The following DGKB variants were observed in gnomAD, a reference collection of about 807,000 sequenced individuals.
DGKB encodes 90 kDa diacylglycerol kinase.
Under a neutral mutation model 114.3 loss-of-function variants are expected in DGKB, and 67 were observed. The observed-to-expected ratio is 0.59, with a 90% CI of 0.48 to 0.72. The LOEUF is 0.72. Ranked by LOEUF, DGKB falls within the 30% of genes least tolerant of loss-of-function variation. The pLI is 0.00. For missense variants in DGKB, 907 were observed against 975.2 expected (o/e 0.93, Z 0.93); for synonymous variants, 398 against 323.1 (o/e 1.23, Z -2.49).
At chr7:14,344,289 C>G (rs750807525) in intron 22 of DGKB, among the ~76,000 whole-genome samples, 15 of 151,274 alleles carry the variant, frequency 9.9e-5, no homozygotes, top group Non-Finnish European at 2.2e-4. Context: ...ATTATATTTA[C>G]CAATCATGAT....
In DGKB at chr7:14,148,015, A is replaced by G. The variant is rs142638879; in HGVS notation, c.*1116T>C. ...AGTATTATTACAGGTACCCATTTAT[A>G]CTAGAAATAAACTGATACAATCATT... On this transcript the variant is annotated 3_prime_UTR_variant, in exon 26 of 26. Transcript: ENST00000402815. 7.7e-4 allele frequency: 117 copies of G among 152,266 alleles called. No homozygotes were observed. The highest frequency in any genetic ancestry group is 2.5e-3 in the African/African-American group (102 of 41,580). 9.4% of individuals were successfully genotyped at this position (152,266 alleles called of 1,614,324 possible).
At chr7:14,900,131 A>C (rs1461381415) in intron 1 of DGKB, among the ~76,000 whole-genome samples, 5 of 152,198 alleles carry the variant, frequency 3.3e-5, no homozygotes, top group Admixed American at 3.3e-4. Context: ...TGACGAACAA[A>C]GCACATGAGA....
chr7:14,901,430 T>C (rs76112639), intron 1 of DGKB, among the ~76,000 whole-genome samples: 2,630 of 152,332 alleles, frequency 0.017, 68 homozygotes, highest in African/African-American at 0.053. Context: ...CTATGGAATA[T>C]ATGCTAGCCT....
intron 1 of DGKB, among the ~76,000 whole-genome samples, chr7:14,925,209 A>G (rs1470600580): frequency 6.6e-6 from 1 of 152,180 alleles, no homozygotes; most frequent in Non-Finnish European, 1.5e-5. Flanking sequence ...GTTTTTGCCT[A>G]TTACAAAGAA....
chr7:14,859,071 C>T (rs557206584), intron 1 of DGKB, among the ~76,000 whole-genome samples: 23 of 152,198 alleles, frequency 1.5e-4, no homozygotes, highest in African/African-American at 5.3e-4. Context: ...GAATCAAAGT[C>T]TGACCTGGGA....
chr7:14,897,209 T>C (rs189626824), intron 1 of DGKB, among the ~76,000 whole-genome samples: 2 of 152,024 alleles, frequency 1.3e-5, no homozygotes, highest in Non-Finnish European at 2.9e-5. Context: ...TTCACATAGA[T>C]ACAATATTTG....
chr7:14,952,490 C>G (rs964917619), intron 1 of DGKB, among the ~76,000 whole-genome samples: 1 of 151,708 alleles, frequency 6.6e-6, no homozygotes, highest in African/African-American at 2.4e-5. Flanking sequence ...TATAGTGATT[C>G]TAAAATTCAT....
intron 9 of DGKB, among the ~76,000 whole-genome samples, chr7:14,689,061 T>TTA (rs906525294): frequency 4.1e-4 from 62 of 152,106 alleles, no homozygotes; most frequent in African/African-American, 1.4e-3. Context: ...CTGACTTAAC[T>TTA]TATATAGAGA....
intron 6 of DGKB, among the ~76,000 whole-genome samples, chr7:14,713,141 G>C (rs906242511): frequency 6.6e-6 from 1 of 150,628 alleles, no homozygotes; most frequent in Admixed American, 6.6e-5. Context: ...AAAGATCAGA[G>C]CAAAGGCATA....
At chr7:14,701,897 A>G (rs1196831951) in intron 6 of DGKB, among the ~76,000 whole-genome samples, 167 bp from the exon 7 acceptor site, 1 of 122,860 alleles carries the variant, frequency 8.1e-6, no homozygotes, top group Admixed American at 9.1e-5. Flanking sequence ...TTGAAAATGA[A>G]TTAATTAGTT....
At chr7:14,549,343 A>C (rs1169908882) in intron 20 of DGKB, among the ~76,000 whole-genome samples, 1 of 152,150 alleles carries the variant, frequency 6.6e-6, no homozygotes, top group Middle Eastern at 3.2e-3. Context: ...TGGTTCTGCA[A>C]ATGGTGAAGT....
At chr7:14,814,668 G>A (rs1843866142) in intron 2 of DGKB, among the ~76,000 whole-genome samples, 1 of 152,126 alleles carries the variant, frequency 6.6e-6, no homozygotes, top group Non-Finnish European at 1.5e-5. Context: ...ACATTCAACT[G>A]ACAAACGTTA....
chr7:14,727,366 C>A (rs1487072129), intron 5 of DGKB, among the ~76,000 whole-genome samples: 1 of 152,070 alleles, frequency 6.6e-6, no homozygotes, highest in African/African-American at 2.4e-5. Context: ...ATGTTAAAAA[C>A]AGGACCACAA....
At chr7:14,527,679 T>G (rs1790864043) in intron 20 of DGKB, among the ~76,000 whole-genome samples, 1 of 152,098 alleles carries the variant, frequency 6.6e-6, no homozygotes, top group African/African-American at 2.4e-5. Flanking sequence ...AAGATCTATT[T>G]TTCCCTGTTA....
At chr7:14,371,462 A>G (rs534441757) in intron 21 of DGKB, among the ~76,000 whole-genome samples, 2 of 152,246 alleles carry the variant, frequency 1.3e-5, no homozygotes, top group South Asian at 4.1e-4. Flanking sequence ...GGCAGCTTAT[A>G]TGGTTTCTTT....
intron 17 of DGKB, among the ~76,000 whole-genome samples, chr7:14,590,529 A>G (rs781460351): frequency 7.9e-5 from 12 of 151,906 alleles, no homozygotes; most frequent in Non-Finnish European, 1.5e-4. Flanking sequence ...CCAAACATAA[A>G]CCCCATGTGA....
chr7:14,973,545 T>A (rs7805660), intron 1 of DGKB, among the ~76,000 whole-genome samples: 1 of 148,922 alleles, frequency 6.7e-6, no homozygotes. Flanking sequence ...TTTCTTTTTT[T>A]TTTCTTTTTT....
intron 1 of DGKB, among the ~76,000 whole-genome samples, chr7:14,961,212 T>C (rs1308907057): frequency 6.6e-6 from 1 of 152,090 alleles, no homozygotes; most frequent in African/African-American, 2.4e-5. Context: ...ATTGTATTTG[T>C]TTTGAAGACT....
intron 1 of DGKB, among the ~76,000 whole-genome samples, chr7:14,919,740 T>C (rs908843842): frequency 5.9e-5 from 9 of 152,124 alleles, no homozygotes; most frequent in African/African-American, 2.2e-4. Flanking sequence ...AGTGTTAGGG[T>C]CATGGGGTGT....
Sources: allele counts gnomAD v4.1 joint callset (sites outside exome capture counted in the v4.1 genomes callset), GRCh38; gene constraint gnomAD v4.1.1; transcripts MANE v1.5; gene names NCBI Gene and HGNC (gene_info 2026-07-23, HGNC 2026-07-21).